Variants in PHF21A observed in about 807,000 individuals in gnomAD.
PHF21A encodes PHD finger protein 21A.
A neutral mutation model predicts 82.5 loss-of-function variants in PHF21A; 11 were observed. That is an observed-to-expected ratio of 0.13 (90% CI 0.08 to 0.22). The LOEUF (loss-of-function observed/expected upper bound fraction) is 0.22. PHF21A is among the 10% of genes least tolerant of loss of function. The pLI, the probability that PHF21A is intolerant of heterozygous loss-of-function variation, is 1.00. For missense variants in PHF21A, 579 were observed against 837.8 expected (o/e 0.69, Z 3.81); for synonymous variants, 297 against 302.8 (o/e 0.98, Z 0.20).
At position 46,014,003 on chromosome 11, in the gene PHF21A, CATTATA is replaced by C. The variant is rs764162797; in HGVS notation, c.154-34043_154-34038del. ...CGCTAATTTTAATTTCTTTGAAAAA[CATTATA>C]ATTATATTTATTTATTTTAGATTCA... On this transcript the variant is annotated intron_variant, in intron 6 of 18. Transcript: ENST00000676320. 2.0e-4 allele frequency among the ~76,000 whole-genome samples: 31 copies of C among 152,232 alleles called. No homozygotes were observed. In the South Asian group the frequency reaches 2.5e-3, roughly 12 times the overall value.
At chr11:46,051,337 G>T (rs781512705) in intron 6 of PHF21A, among the ~76,000 whole-genome samples, 131 of 152,240 alleles carry the variant, frequency 8.6e-4, no homozygotes, top group Admixed American at 4.1e-3. Flanking sequence ...TCATTTCAGT[G>T]CTGCCTGGGG....
chr11:46,027,252 A>G (rs145400983), intron 6 of PHF21A, among the ~76,000 whole-genome samples: 3 of 152,364 alleles, frequency 2.0e-5, no homozygotes, highest in African/African-American at 7.2e-5. Context: ...CAGGTACAAC[A>G]TGAACAGGCC....
chr11:45,946,449 T>C (rs573015222), intron 14 of PHF21A, among the ~76,000 whole-genome samples: 65 of 152,228 alleles, frequency 4.3e-4, no homozygotes, highest in Non-Finnish European at 8.8e-4. Flanking sequence ...TGTGGCACGA[T>C]CTCGGCTCAC....
At position 46,095,900 on chromosome 11, in the gene PHF21A, CAA is replaced by C. The variant is rs1417183222; in HGVS notation, c.-236-3679_-236-3678del. Among the ~76,000 whole-genome samples the C allele has an allele frequency of 2.6e-5, 4 of 152,238 alleles. No homozygotes were observed. In the East Asian group the frequency reaches 5.8e-4, roughly 22 times the overall value. On this transcript the variant is annotated intron_variant, in intron 1 of 18. Transcript: ENST00000676320. ...TAGAATAGCACAGATAATTGTCATT[CAA>C]AGACACTTTAAAATGTCACCTTACC...
At position 46,049,598 on chromosome 11, in the gene PHF21A, T is replaced by G. The variant is rs1471385492; in HGVS notation, c.153+27156A>C. Reference sequence around the variant, plus strand: ...ATAGGAGAAAGGAGAAGCATATTTCTGGTTTTGCTCTTCCCACCTGTCACA... The same window carrying G: ...ATAGGAGAAAGGAGAAGCATATTTCGGGTTTTGCTCTTCCCACCTGTCACA... On this transcript the variant is annotated intron_variant, in intron 6 of 18. Coordinates refer to ENST00000676320, the MANE Select transcript of PHF21A (RefSeq NM_001352027.3). 3 of 411,366 alleles carry G rather than the reference T, an allele frequency of 7.3e-6. No homozygotes were observed. In the East Asian group the frequency reaches 2.2e-4, roughly 30 times the overall value. The allele number at this position is 411,366 out of a possible 1,614,324, so 25.5% of individuals were successfully genotyped here.
chr11:46,095,952 C>T (rs1462246850), intron 1 of PHF21A, among the ~76,000 whole-genome samples: 3 of 152,146 alleles, frequency 2.0e-5, no homozygotes, highest in South Asian at 2.1e-4. Flanking sequence ...TCTTCTCTTC[C>T]CCTTACTATA....
chr11:45,951,954 G>A (rs376282694), intron 11 of PHF21A, among the ~76,000 whole-genome samples: 3 of 151,908 alleles, frequency 2.0e-5, no homozygotes, highest in East Asian at 1.9e-4. Context: ...CTATAGGCAC[G>A]CGCCACTGCA....
chr11:46,020,285 A>G (rs2095603021), intron 6 of PHF21A, among the ~76,000 whole-genome samples: 1 of 152,216 alleles, frequency 6.6e-6, no homozygotes, highest in African/African-American at 2.4e-5. Flanking sequence ...GTAAGATCCT[A>G]TGACATGTTT....
In PHF21A at chr11:45,933,650, G is replaced by A; in HGVS notation, c.*318C>T. On this transcript the variant is annotated 3_prime_UTR_variant, in exon 19 of 19. Coordinates refer to ENST00000676320, the MANE Select transcript of PHF21A (RefSeq NM_001352027.3). ...AAACAGAAACAAACCCATCGTGGCT[G>A]TGGAGGCTGCTGCAGGCACACACTG... is the stretch of plus-strand genomic sequence containing the variant. 1 of 226,648 alleles carries A rather than the reference G, an allele frequency of 4.4e-6. No homozygotes were observed. The highest frequency in any genetic ancestry group is 8.7e-5 in the East Asian group (1 of 11,454). The allele number at this position is 226,648 out of a possible 1,614,324, so 14.0% of individuals were successfully genotyped here.
intron 16 of PHF21A, among the ~76,000 whole-genome samples, chr11:45,937,511 G>A (rs4756043): frequency 0.87 from 132,815 of 152,212 alleles, 58,272 homozygotes; most frequent in East Asian, 1. Context: ...ACAGAGTCTC[G>A]CTCTTGTCAC....
intron 6 of PHF21A, among the ~76,000 whole-genome samples, chr11:46,032,941 C>T (rs1164338956): frequency 6.6e-6 from 1 of 152,080 alleles, no homozygotes; most frequent in African/African-American, 2.4e-5. Context: ...CTCTAATAAA[C>T]AGGCTAGTTT....
chr11:45,933,943 C>T lies in PHF21A; in HGVS notation c.*25G>A, dbSNP rs202030833. ...TCTGTTCTCCTTGCCGCCGGGATCC[C>T]GTGGCTTCTCCTAGAGGGGCTCTGT... On this transcript the variant is annotated 3_prime_UTR_variant, in exon 19 of 19. Coordinates refer to ENST00000676320, the MANE Select transcript of PHF21A (RefSeq NM_001352027.3). 3.2e-3 allele frequency: 4,724 copies of T among 1,487,128 alleles called. 9 individuals are homozygous for T. Among genetic ancestry groups the T allele is most frequent in the Middle Eastern group, 4.9e-3 (27 of 5,484 alleles). The allele number at this position is 1,487,128 out of a possible 1,614,324, so 92.1% of individuals were successfully genotyped here. A position where few individuals can be genotyped will look rare whatever the true frequency, so the allele number is the denominator to read the frequency against.
chr11:46,005,524 T>TCCTG (rs1171147421), intron 6 of PHF21A, among the ~76,000 whole-genome samples: 1 of 152,192 alleles, frequency 6.6e-6, no homozygotes, highest in Non-Finnish European at 1.5e-5. Context: ...GTTCAGACCT[T>TCCTG]CCTGTTCTGA....
chr11:46,021,368 C>T (rs1194574619), intron 6 of PHF21A, among the ~76,000 whole-genome samples: 1 of 151,192 alleles, frequency 6.6e-6, no homozygotes, highest in Non-Finnish European at 1.5e-5. Context: ...GGCCATTAGA[C>T]AGACTTTTAA....
Position 45,948,963 on chromosome 11 carries a change from A to G in PHF21A, c.1228-17T>C, listed in dbSNP as rs2091715042. On this transcript the variant is annotated splice_polypyrimidine_tract_variant and intron_variant, in intron 13 of 18. Coordinates refer to ENST00000676320, the MANE Select transcript of PHF21A (RefSeq NM_001352027.3). ...CTTCTTACGCTTTGAGGGTTGAAGGAGGAAAGGTGACTGTTGAGTAGTGTG... is the reference window on the plus strand; with the variant it reads ...CTTCTTACGCTTTGAGGGTTGAAGGGGGAAAGGTGACTGTTGAGTAGTGTG... The G allele has an allele frequency of 3.1e-6, 5 of 1,607,788 alleles. No homozygotes were observed. The highest frequency in any genetic ancestry group is 4.3e-6 in the Non-Finnish European group (5 of 1,174,276).
intron 6 of PHF21A, among the ~76,000 whole-genome samples, chr11:46,055,280 T>A (rs79116018): frequency 0.014 from 2,083 of 152,246 alleles, 74 homozygotes; most frequent in Admixed American, 0.08. Context: ...AAATTATGGA[T>A]TTCATGAAAA....
intron 2 of PHF21A, among the ~76,000 whole-genome samples, chr11:46,091,905 T>C (rs1027798007): frequency 1.3e-5 from 2 of 152,142 alleles, no homozygotes; most frequent in East Asian, 3.9e-4. Context: ...ACCAGAACCA[T>C]TGCATTAAGG....
chr11:46,075,785 A>T (rs953380132), intron 6 of PHF21A, among the ~76,000 whole-genome samples: 1 of 152,192 alleles, frequency 6.6e-6, no homozygotes, highest in Non-Finnish European at 1.5e-5. Context: ...CCCTCAGTTA[A>T]ATGAAAACAC....
chr11:46,022,133 T>C (rs552917972), intron 6 of PHF21A, among the ~76,000 whole-genome samples: 11 of 152,336 alleles, frequency 7.2e-5, no homozygotes, highest in African/African-American at 2.6e-4. Context: ...CAAAACCATG[T>C]ACTGTTTGTT....
Sources: gnomAD v4.1 joint callset for allele counts (sites outside exome capture counted in the v4.1 genomes callset) on GRCh38, gnomAD v4.1.1 for gene constraint, MANE v1.5 for transcripts, NCBI Gene and HGNC (gene_info 2026-07-23, HGNC 2026-07-21) for gene names.